Variants in RELCH observed in about 807,000 individuals in gnomAD.
RELCH encodes the protein RAB11 binding and LisH domain, coiled-coil and HEAT repeat containing.
Under a neutral mutation model 150.3 loss-of-function variants are expected in RELCH, and 41 were observed. The observed-to-expected ratio is 0.27, with a 90% CI of 0.21 to 0.35. The LOEUF is 0.35. RELCH is among the 10% of genes least tolerant of loss of function. The pLI, the probability that RELCH is intolerant of heterozygous loss-of-function variation, is 1.00. For synonymous variants in RELCH, 478 were observed against 531.8 expected (o/e 0.90, Z 1.39); for missense variants, 1,092 against 1,467.8 (o/e 0.74, Z 4.18).
chr18:62,264,496 G>A (rs1408061556), intron 17 of RELCH, among the ~76,000 whole-genome samples: 1 of 151,908 alleles, frequency 6.6e-6, no homozygotes, highest in African/African-American at 2.4e-5. Flanking sequence ...CTCTGTACTC[G>A]GAATTCTACC....
intron 1 of RELCH, among the ~76,000 whole-genome samples, chr18:62,198,403 T>C (rs573184435): frequency 1.8e-4 from 28 of 152,324 alleles, no homozygotes; most frequent in African/African-American, 6.5e-4. Context: ...TAGAACACAG[T>C]TGCAATCATG....
Position 62,203,240 on chromosome 18 carries a change from G to A in RELCH, c.527-7913G>A, listed in dbSNP as rs572450832. Among the ~76,000 whole-genome samples the A allele has an allele frequency of 2.4e-4, 36 of 152,122 alleles. 1 individual carries two copies. The South Asian group carries it at 7.3e-3, about 31-fold the overall frequency. ...TGGGAGGCCGAGGCAGGCAGATCAC[G>A]AGGTCAAGAGATCGAGACCATCCTG... is the stretch of plus-strand genomic sequence containing the variant. On this transcript the variant is annotated intron_variant, in intron 1 of 28. Transcript: ENST00000644646.
In RELCH at chr18:62,307,326, A is replaced by C. The variant is rs908626542; in HGVS notation, c.*1792A>C. ...TACATTTCAGAGGTACCTGGAAGAA[A>C]AATGTTTAAACTCTGATTTGCTTCA... On this transcript the variant is annotated 3_prime_UTR_variant, in exon 29 of 29. Transcript: ENST00000644646. 6.6e-6 allele frequency: 1 copy of C among 152,088 alleles called. No individual in the cohort carries two copies. Among genetic ancestry groups the C allele is most frequent in the Admixed American group, 6.5e-5 (1 of 15,274 alleles). The allele number at this position is 152,088 out of a possible 1,614,324, so 9.4% of individuals were successfully genotyped here.
At chr18:62,224,039 T>C (rs990016550) in intron 5 of RELCH, among the ~76,000 whole-genome samples, 5 of 152,140 alleles carry the variant, frequency 3.3e-5, no homozygotes, top group African/African-American at 9.7e-5. Context: ...TACATAGGTA[T>C]ACATGTGCCA....
At chr18:62,302,115 A>G (rs774162735) in intron 28 of RELCH, among the ~76,000 whole-genome samples, 17 of 152,240 alleles carry the variant, frequency 1.1e-4, no homozygotes, top group Non-Finnish European at 2.2e-4. Context: ...TGTGAACTCA[A>G]TTTAACTTGG....
chr18:62,267,200 A>C lies in RELCH; in HGVS notation c.2680+451A>C, dbSNP rs768363774. On this transcript the variant is annotated intron_variant, in intron 19 of 28. Transcript: ENST00000644646. ...AGAGAAACTACAGACTTGAATGGGTAGCTCCAGCTACTTCATTGATAGTTT... is the reference window on the plus strand; with the variant it reads ...AGAGAAACTACAGACTTGAATGGGTCGCTCCAGCTACTTCATTGATAGTTT... Among the ~76,000 whole-genome samples the C allele has an allele frequency of 1.2e-4, 18 of 151,886 alleles. 1 individual carries two copies. Among genetic ancestry groups the C allele is most frequent in the Non-Finnish European group, 1.9e-4 (13 of 67,862 alleles).
chr18:62,221,095 G>A lies in RELCH; in HGVS notation c.675G>A (p.Leu225=). ...KETIQALRAN[L]TKAAEHEVPL... ...CCATTCAGGCCCTCCGAGCCAACCT[G>A]ACAAAGGCCGCAGGTGGTGTACATA... The change falls in exon 3 of 29, where the codon CTG becomes CTA. Residue 225 remains leucine, a synonymous_variant. Transcript: ENST00000644646. 1 of 1,613,380 alleles carries A rather than the reference G, an allele frequency of 6.2e-7. No homozygotes were observed.
At chr18:62,193,663 C>G (rs1403166915) in intron 1 of RELCH, among the ~76,000 whole-genome samples, 5 of 152,056 alleles carry the variant, frequency 3.3e-5, no homozygotes, top group Admixed American at 2.6e-4. Flanking sequence ...TGATGAATTA[C>G]ATTACTGATT....
chr18:62,274,119 G>GC, intron 21 of RELCH, 33 bp downstream of exon 21: 2 of 1,392,004 alleles, frequency 1.4e-6, no homozygotes, highest in Non-Finnish European at 1.0e-6. Context: ...TTGCTAAAAG[G>GC]CATATAAAGT....
At position 62,279,785 on chromosome 18, in the gene RELCH, G is replaced by A; in HGVS notation, c.2979G>A (p.Lys993=). The A allele has an allele frequency of 6.5e-7, 1 of 1,535,360 alleles. No homozygotes were observed. The highest frequency in any genetic ancestry group is 8.7e-7 in the Non-Finnish European group (1 of 1,146,262). The part of the protein sequence containing the change: ...TAARMFELLV[K]GVNETLVAQR... ...TGCTGACCAATCAGCTGTTGGTGAA[G>A]GGGGTGAATGAAACTCTGGTAGCTC... The change falls in exon 23 of 29, where the codon AAG becomes AAA. Residue 993 remains lysine (K), a synonymous_variant. Transcript: ENST00000644646.
intron 2 of RELCH, among the ~76,000 whole-genome samples, chr18:62,212,067 C>T (rs774878828): frequency 3.3e-5 from 5 of 152,210 alleles, no homozygotes; most frequent in Non-Finnish European, 4.4e-5. Flanking sequence ...CTCTCCCATA[C>T]CAGTCTTGCC....
Position 62,264,709 on chromosome 18 carries a change from T to C in RELCH, c.2508-20T>C. On this transcript the variant is annotated intron_variant, in intron 17 of 28. Transcript: ENST00000644646. ...ATTTATATGTATCCCCTGCCTATTT[T>C]TCTTTCCTTTCATATTCAGGTTGCC... 1 of 1,553,200 alleles carries C rather than the reference T, an allele frequency of 6.4e-7. No individual in the cohort carries two copies. Among genetic ancestry groups the C allele is most frequent in the Non-Finnish European group, 8.8e-7 (1 of 1,138,950 alleles).
intron 3 of RELCH, 23 bp from the exon 4 acceptor site, chr18:62,221,196 G>C (rs773290693): frequency 1.9e-6 from 3 of 1,599,386 alleles, no homozygotes; most frequent in Admixed American, 3.4e-5. Context: ...TAGTAAAATA[G>C]TACTTATGTT....
At chr18:62,287,575 A>G in intron 26 of RELCH, 108 bp downstream of exon 26, 1 of 698,394 alleles carries the variant, frequency 1.4e-6, no homozygotes, top group Middle Eastern at 2.4e-4. Flanking sequence ...ACTTACATTA[A>G]GCGTTGTAGA....
chr18:62,291,594 T>C lies in RELCH; in HGVS notation c.3422T>C (p.Leu1141Ser). ...VNHFLPGLRC[L>S]RTDMEHLSPE... The stretch of plus-strand genomic sequence containing the variant: ...CACTTTTTACCTGGTCTCAGATGTT[T>C]ACGGACTGACATGGAACATCTCTCT... Residue 1141 changes from leucine (L) to serine (S), a missense_variant, in exon 27 of 29, where the codon TTA becomes TCA. Coordinates refer to ENST00000644646, the MANE Select transcript of RELCH (RefSeq NM_001346231.2). 1 of 1,610,470 alleles carries C rather than the reference T, an allele frequency of 6.2e-7. No individual in the cohort carries two copies. Among genetic ancestry groups the C allele is most frequent in the Non-Finnish European group, 8.5e-7 (1 of 1,178,104 alleles).
At chr18:62,202,295 G>T (rs1343402077) in intron 1 of RELCH, among the ~76,000 whole-genome samples, 3 of 152,142 alleles carry the variant, frequency 2.0e-5, no homozygotes, top group Non-Finnish European at 4.4e-5. Context: ...TCCTGGAAAA[G>T]AATTGTGGCT....
intron 2 of RELCH, among the ~76,000 whole-genome samples, chr18:62,219,756 T>C (rs1160986762): frequency 6.6e-6 from 1 of 152,070 alleles, no homozygotes; most frequent in Non-Finnish European, 1.5e-5. Flanking sequence ...ATTCTGTGCA[T>C]CAAAATAATT....
intron 11 of RELCH, among the ~76,000 whole-genome samples, 176 bp downstream of exon 11, chr18:62,245,052 C>T (rs1224591836): frequency 1.3e-5 from 2 of 152,126 alleles, no homozygotes; most frequent in African/African-American, 2.4e-5. Flanking sequence ...TCAAAACCTA[C>T]GAAAATGCAT....
intron 11 of RELCH, among the ~76,000 whole-genome samples, chr18:62,248,978 AG>A (rs2042562515): frequency 6.6e-6 from 1 of 152,232 alleles, no homozygotes; most frequent in Admixed American, 6.5e-5. Context: ...ACTTGAACAA[AG>A]CATCCTGGAT....
Sources: allele counts gnomAD v4.1 joint callset (sites outside exome capture counted in the v4.1 genomes callset), GRCh38; gene constraint gnomAD v4.1.1; transcripts MANE v1.5; gene names NCBI Gene and HGNC (gene_info 2026-07-23, HGNC 2026-07-21).